SLC23A2: variants seen among roughly 807,000 people sequenced by gnomAD.
SLC23A2 encodes Na(+)/L-ascorbic acid transporter 2.
A neutral mutation model predicts 73.3 loss-of-function variants in SLC23A2; 36 were observed. The observed-to-expected ratio is 0.49, with a 90% CI of 0.38 to 0.65. SLC23A2 has a LOEUF of 0.65. SLC23A2 is among the 30% of genes least tolerant of loss of function. The probability of loss-of-function intolerance (pLI) is 0.00; values close to 1 mark genes in which losing one functional copy is unlikely to be tolerated. For synonymous variants in SLC23A2, 343 were observed against 327.3 expected, an observed-to-expected ratio of 1.05 and a Z score of -0.52; for missense variants, 507 against 841.6, an observed-to-expected ratio of 0.60 and a Z score of 4.92.
In SLC23A2 at chr20:4,932,620, AT is replaced by A; in HGVS notation, c.-59del. Reference sequence around the variant, plus strand: ...GGAGAGCAGCTGGAAGTGAAGGCTTATTCAAGCTAGGAGCCCAGGATCAGCC... The same window carrying A: ...GGAGAGCAGCTGGAAGTGAAGGCTTATCAAGCTAGGAGCCCAGGATCAGCC... On this transcript the variant is annotated 5_prime_UTR_variant, in exon 3 of 17. Transcript: ENST00000338244. 1.0e-6 allele frequency: 1 copy of A among 962,566 alleles called. No homozygotes were observed. The highest frequency in any genetic ancestry group is 1.7e-6 in the Non-Finnish European group (1 of 586,454). The allele number at this position is 962,566 out of a possible 1,614,324, so 59.6% of individuals were successfully genotyped here. A position where few individuals can be genotyped will look rare whatever the true frequency, so the allele number is the denominator to read the frequency against.
chr20:4,903,106 A>T (rs1568616683), intron 4 of SLC23A2, among the ~76,000 whole-genome samples: 1 of 152,222 alleles, frequency 6.6e-6, no homozygotes, highest in African/African-American at 2.4e-5. Context: ...TAAAGTATAT[A>T]AACACGGTGA....
At chr20:4,982,238 C>T (rs1600200027) in intron 1 of SLC23A2, among the ~76,000 whole-genome samples, 1 of 152,074 alleles carries the variant, frequency 6.6e-6, no homozygotes, top group African/African-American at 2.4e-5. Flanking sequence ...CGTGATCTGC[C>T]CACCTCGGCC....
At chr20:4,937,582 A>G (rs1386061211) in intron 2 of SLC23A2, among the ~76,000 whole-genome samples, 1 of 152,238 alleles carries the variant, frequency 6.6e-6, no homozygotes, top group Non-Finnish European at 1.5e-5. Context: ...TGGTTTGCAC[A>G]CAAACTCTAC....
At chr20:4,909,678 C>G (rs1228620416) in intron 4 of SLC23A2, among the ~76,000 whole-genome samples, 7 of 152,108 alleles carry the variant, frequency 4.6e-5, no homozygotes, top group Admixed American at 3.9e-4. Context: ...CTCAGCCTCC[C>G]AAGTAGCTGG....
intron 3 of SLC23A2, among the ~76,000 whole-genome samples, chr20:4,915,039 A>C (rs2122900425): frequency 6.6e-6 from 1 of 152,102 alleles, no homozygotes; most frequent in African/African-American, 2.4e-5. Flanking sequence ...AAATAAATAA[A>C]TAGCTAGCTG....
At chr20:4,898,489 G>A (rs1281858739) in intron 6 of SLC23A2, among the ~76,000 whole-genome samples, 3 of 152,194 alleles carry the variant, frequency 2.0e-5, no homozygotes, top group Non-Finnish European at 1.5e-5. Flanking sequence ...CCGCAGGGAG[G>A]GCCAGGCCTT....
chr20:4,899,344 C>T lies in SLC23A2; in HGVS notation c.482+211G>A, dbSNP rs1470813785. On this transcript the variant is annotated intron_variant, in intron 6 of 16. Transcript: ENST00000338244. This position sits in a 1 kb window ranked among gnomAD's most constrained non-coding sequence, Gnocchi z 4.9. ...GAGGCTGAGTTTCCAGCTTGGACAA[C>T]TGGGTAGGGGAAGGTGGCGGTGGTG... is the stretch of plus-strand genomic sequence containing the variant. 6.6e-6 allele frequency among the ~76,000 whole-genome samples: 1 copy of T among 152,010 alleles called. No individual in the cohort carries two copies. Among genetic ancestry groups the T allele is most frequent in the Non-Finnish European group, 1.5e-5 (1 of 67,994 alleles).
chr20:4,969,536 C>G (rs1462006944), intron 2 of SLC23A2, among the ~76,000 whole-genome samples: 2 of 151,236 alleles, frequency 1.3e-5, no homozygotes, highest in African/African-American at 4.9e-5. Flanking sequence ...ATCCACCATA[C>G]TGAATAAATT....
rs1394989557 is a variant in SLC23A2, at chr20:4,868,198, C to T, written c.1251-323G>A. Among the ~76,000 whole-genome samples, 1 of 151,380 alleles carries T rather than the reference C, an allele frequency of 6.6e-6. No homozygotes were observed. The highest frequency in any genetic ancestry group is 2.4e-5 in the African/African-American group (1 of 41,114). On this transcript the variant is annotated intron_variant, in intron 12 of 16. Coordinates refer to ENST00000338244, the MANE Select transcript of SLC23A2 (RefSeq NM_005116.6). This position sits in a 1 kb window ranked among gnomAD's most constrained non-coding sequence, Gnocchi z 4.4. Reference sequence around the variant, plus strand: ...GGGTTCAAGAGATTCTCCTGCCTCCCGAGTAGCTGGGATTACAGGTTTGCA... The same window carrying T: ...GGGTTCAAGAGATTCTCCTGCCTCCTGAGTAGCTGGGATTACAGGTTTGCA...
chr20:4,944,946 C>A (rs2087095889), intron 2 of SLC23A2, among the ~76,000 whole-genome samples: 1 of 151,788 alleles, frequency 6.6e-6, no homozygotes, highest in Admixed American at 6.6e-5. Context: ...GGAACATATG[C>A]CCTCAACTTG....
chr20:4,999,020 C>T (rs1397979013), intron 1 of SLC23A2, among the ~76,000 whole-genome samples: 1 of 152,064 alleles, frequency 6.6e-6, no homozygotes, highest in East Asian at 1.9e-4. Context: ...GGCCAGGCTG[C>T]TCTCGAACTC....
intron 1 of SLC23A2, among the ~76,000 whole-genome samples, chr20:5,000,873 C>T (rs1425007353): frequency 1.3e-5 from 2 of 152,126 alleles, no homozygotes; most frequent in African/African-American, 4.8e-5. Context: ...AATTACTTCG[C>T]GCAGTCTTTG....
At chr20:4,911,914 G>C (rs550565197) in intron 4 of SLC23A2, among the ~76,000 whole-genome samples, 21 of 151,998 alleles carry the variant, frequency 1.4e-4, no homozygotes, top group African/African-American at 3.9e-4. Context: ...CATGATCTTA[G>C]CTCACTGTAG....
intron 2 of SLC23A2, among the ~76,000 whole-genome samples, chr20:4,943,633 C>CAG (rs2087076456): frequency 6.8e-6 from 1 of 148,094 alleles, no homozygotes; most frequent in African/African-American, 2.5e-5. Flanking sequence ...TGAGACTGCA[C>CAG]GACTACACTC....
At chr20:4,994,761 C>A (rs6139601) in intron 1 of SLC23A2, among the ~76,000 whole-genome samples, 54,788 of 150,868 alleles carry the variant, frequency 0.36, 10,282 homozygotes, top group Admixed American at 0.42. Context: ...ATTCCGTCCC[C>A]AAAAAAAATA....
At chr20:4,952,793 G>C (rs1954020214) in intron 2 of SLC23A2, among the ~76,000 whole-genome samples, 1 of 152,196 alleles carries the variant, frequency 6.6e-6, no homozygotes, top group Admixed American at 6.5e-5. Context: ...GGGAGGCCAA[G>C]GCAGGTGGAT....
At chr20:4,917,870 G>GTTC (rs1932382114) in intron 3 of SLC23A2, among the ~76,000 whole-genome samples, 1 of 152,186 alleles carries the variant, frequency 6.6e-6, no homozygotes, top group African/African-American at 2.4e-5. Flanking sequence ...TGCCTAAATA[G>GTTC]TTCTTGCCTA....
intron 9 of SLC23A2, among the ~76,000 whole-genome samples, chr20:4,875,113 C>T (rs6038007): frequency 0.42 from 63,769 of 152,088 alleles, 15,382 homozygotes; most frequent in African/African-American, 0.67. Flanking sequence ...AACTACTGCA[C>T]GTACACACAA....
At chr20:4,933,213 A>AC (rs1932808201) in intron 2 of SLC23A2, among the ~76,000 whole-genome samples, 2 of 152,150 alleles carry the variant, frequency 1.3e-5, no homozygotes, top group Non-Finnish European at 1.5e-5. Context: ...GGCAATGCGG[A>AC]TACAGCCAAT....
Sources: gnomAD v4.1 joint callset for allele counts (sites outside exome capture counted in the v4.1 genomes callset) on GRCh38, gnomAD v4.1.1 for gene constraint, Gnocchi (gnomAD v3.1) non-coding constraint, MANE v1.5 for transcripts, NCBI Gene and HGNC (gene_info 2026-07-23, HGNC 2026-07-21) for gene names.